Variants in FAM168A observed in about 807,000 individuals in gnomAD.
FAM168A encodes protein FAM168A.
In FAM168A, 3 loss-of-function variants were observed where a neutral mutation model predicts 28.5. The observed-to-expected ratio is 0.11, with a 90% CI of 0.05 to 0.27. FAM168A has a LOEUF of 0.27. FAM168A is among the 10% of genes least tolerant of loss of function. The pLI is 1.00. For missense variants in FAM168A, 222 were observed against 311.5 expected, an observed-to-expected ratio of 0.71 and a Z score of 2.16; for synonymous variants, 122 against 124.2, an observed-to-expected ratio of 0.98 and a Z score of 0.12.
chr11:73,568,141 A>G (rs902910710), intron 1 of FAM168A, among the ~76,000 whole-genome samples: 1 of 152,132 alleles, frequency 6.6e-6, no homozygotes, highest in Non-Finnish European at 1.5e-5. Context: ...ATATATGCAC[A>G]TGCACAACTA....
At chr11:73,506,924 A>C (rs982409167) in intron 1 of FAM168A, among the ~76,000 whole-genome samples, 1 of 152,190 alleles carries the variant, frequency 6.6e-6, no homozygotes, top group Non-Finnish European at 1.5e-5. Flanking sequence ...TTTCAGAGTT[A>C]AGTTCCTACT....
At chr11:73,545,027 A>ATAT (rs57233496) in intron 1 of FAM168A, among the ~76,000 whole-genome samples, 2 of 77,446 alleles carry the variant, frequency 2.6e-5, no homozygotes, top group African/African-American at 2.4e-4. Flanking sequence ...TAGTATATAT[A>ATAT]ATATATATAT....
chr11:73,460,889 G>T (rs1380796841), intron 2 of FAM168A, among the ~76,000 whole-genome samples: 1 of 152,186 alleles, frequency 6.6e-6, no homozygotes, highest in Admixed American at 6.5e-5. Flanking sequence ...CCGAAGATAA[G>T]AGAGTTACCT....
chr11:73,479,889 A>C (rs1431679852), intron 1 of FAM168A, among the ~76,000 whole-genome samples: 2 of 152,182 alleles, frequency 1.3e-5, no homozygotes, highest in African/African-American at 4.8e-5. Context: ...CAACAGCTTA[A>C]TTTCCCTTTA....
intron 1 of FAM168A, among the ~76,000 whole-genome samples, chr11:73,553,443 G>T (rs1053443900): frequency 2.6e-5 from 4 of 152,110 alleles, no homozygotes; most frequent in Non-Finnish European, 5.9e-5. Context: ...CCTGAGCATA[G>T]AGAAAGCAAT....
chr11:73,464,419 G>A (rs1867700925), intron 2 of FAM168A, among the ~76,000 whole-genome samples: 1 of 151,776 alleles, frequency 6.6e-6, no homozygotes, highest in Non-Finnish European at 1.5e-5. Flanking sequence ...CTTGAGAGTT[G>A]TATCTTTTGT....
At chr11:73,583,031 G>A (rs1211433970) in intron 1 of FAM168A, among the ~76,000 whole-genome samples, 1 of 152,008 alleles carries the variant, frequency 6.6e-6, no homozygotes, top group Non-Finnish European at 1.5e-5. Flanking sequence ...CAGGCCAGGT[G>A]CAATGGCTCA....
chr11:73,559,744 T>C (rs1943935405), intron 1 of FAM168A, among the ~76,000 whole-genome samples: 1 of 152,222 alleles, frequency 6.6e-6, no homozygotes, highest in Non-Finnish European at 1.5e-5. Flanking sequence ...GTGTATTAAA[T>C]GCCACTAAAT....
At chr11:73,464,556 T>G (rs1472884099) in intron 2 of FAM168A, among the ~76,000 whole-genome samples, 1 of 152,262 alleles carries the variant, frequency 6.6e-6, no homozygotes, top group South Asian at 2.1e-4. Flanking sequence ...GAATGTGAAG[T>G]GGCCACAACG....
intron 1 of FAM168A, chr11:73,580,544 C>A (rs1179770208): frequency 1.7e-6 from 1 of 579,022 alleles, no homozygotes. Flanking sequence ...TTTTAATAAC[C>A]ATGTACTTCT....
intron 1 of FAM168A, among the ~76,000 whole-genome samples, chr11:73,499,353 A>G (rs564213909): frequency 6.6e-6 from 1 of 152,208 alleles, no homozygotes; most frequent in Non-Finnish European, 1.5e-5. Context: ...AGGCTCCCAC[A>G]AAAACCCCAT....
At chr11:73,538,216 T>C (rs946331477) in intron 1 of FAM168A, among the ~76,000 whole-genome samples, 1 of 152,004 alleles carries the variant, frequency 6.6e-6, no homozygotes, top group Non-Finnish European at 1.5e-5. Context: ...CTCAACACAG[T>C]CTGCTGAATT....
At chr11:73,492,454 T>C (rs961204924) in intron 1 of FAM168A, among the ~76,000 whole-genome samples, 4 of 152,082 alleles carry the variant, frequency 2.6e-5, no homozygotes, top group Non-Finnish European at 5.9e-5. Context: ...AAGACCAGCA[T>C]GGTGAAACCC....
intron 6 of FAM168A, among the ~76,000 whole-genome samples, chr11:73,407,972 A>G (rs1866538371): frequency 6.6e-6 from 1 of 152,190 alleles, no homozygotes; most frequent in Non-Finnish European, 1.5e-5. Flanking sequence ...CCTGAGTTCA[A>G]GCGATTCTCC....
In FAM168A at chr11:73,400,495, A is replaced by AGAT. The variant is rs1339529785; in HGVS notation, c.*6265_*6267dup. On this transcript the variant is annotated 3_prime_UTR_variant, in exon 8 of 8. Transcript: ENST00000356467. ...GAGCAGCAGGCACCAGCCACACAAT[A>AGAT]GATGTCAGCTTTATTGCGCGGATGG... The AGAT allele has an allele frequency of 3.3e-5, 5 of 152,176 alleles. No homozygotes were observed. The highest frequency in any genetic ancestry group is 5.9e-5 in the Non-Finnish European group (4 of 68,038). 9.4% of individuals were successfully genotyped at this position (152,176 alleles called of 1,614,324 possible). A position where few individuals can be genotyped will look rare whatever the true frequency, so the allele number is the denominator to read the frequency against.
intron 1 of FAM168A, among the ~76,000 whole-genome samples, chr11:73,491,392 T>C (rs1159645534): frequency 1.3e-5 from 2 of 152,248 alleles, no homozygotes; most frequent in African/African-American, 4.8e-5. Context: ...TTCTTCTCTC[T>C]GGACTGAGAG....
intron 3 of FAM168A, among the ~76,000 whole-genome samples, chr11:73,424,050 A>C (rs1396867142): frequency 6.6e-6 from 1 of 152,214 alleles, no homozygotes; most frequent in African/African-American, 2.4e-5. Flanking sequence ...AAATTGAAGT[A>C]ATAAAATTAT....
chr11:73,539,818 G>A (rs1431373747), intron 1 of FAM168A, among the ~76,000 whole-genome samples: 2 of 152,346 alleles, frequency 1.3e-5, no homozygotes, highest in African/African-American at 4.8e-5. Flanking sequence ...AATTGCAAGG[G>A]CAGCATCTGT....
At chr11:73,501,057 A>G (rs551236473) in intron 1 of FAM168A, among the ~76,000 whole-genome samples, 8 of 152,338 alleles carry the variant, frequency 5.3e-5, no homozygotes, top group Admixed American at 6.5e-5. Context: ...GTCTCTGACA[A>G]AACAGGCTTT....
Sources: gnomAD v4.1 joint callset for allele counts (sites outside exome capture counted in the v4.1 genomes callset) on GRCh38, gnomAD v4.1.1 for gene constraint, MANE v1.5 for transcripts, NCBI Gene and HGNC (gene_info 2026-07-23, HGNC 2026-07-21) for gene names.